The following ARHGAP35 variants were observed in gnomAD, a reference collection of about 807,000 sequenced individuals.
ARHGAP35 encodes the protein Rho GTPase activating protein 35.
Under a neutral mutation model 111.1 loss-of-function variants are expected in ARHGAP35, and 15 were observed. The observed-to-expected ratio is 0.13, with a 90% confidence interval of 0.09 to 0.21. ARHGAP35 has a LOEUF of 0.21. Ranked by LOEUF, ARHGAP35 falls within the 10% of genes least tolerant of loss-of-function variation. ARHGAP35 has a pLI of 1.00. For missense variants in ARHGAP35, 1,262 were observed against 1,873.0 expected (o/e 0.67, Z 6.02); for synonymous variants, 643 against 710.3 (o/e 0.91, Z 1.51).
rs145257570 is a variant in ARHGAP35 at position 46,915,222 on chromosome 19, C to T, written c.-188-3266C>T. On this transcript the variant is annotated intron_variant, in intron 1 of 6. Transcript: ENST00000672722. Reference sequence around the variant, plus strand: ...CATCTTATAATTTTGTTTATGTAAGCAATCGCCTAGAAAAGTAGAGGATGC... The same window carrying T: ...CATCTTATAATTTTGTTTATGTAAGTAATCGCCTAGAAAAGTAGAGGATGC... Among the ~76,000 whole-genome samples the T allele has an allele frequency of 3.7e-3, 566 of 152,280 alleles. 1 individual carries two copies. The highest frequency in any genetic ancestry group is 6.7e-3 in the Non-Finnish European group (453 of 68,026).
intron 1 of ARHGAP35, among the ~76,000 whole-genome samples, chr19:46,862,561 A>G (rs1310463890): frequency 6.6e-6 from 1 of 151,642 alleles, no homozygotes; most frequent in Non-Finnish European, 1.5e-5. Flanking sequence ...CCCTAGATCC[A>G]TTTTGTACCT....
intron 1 of ARHGAP35, among the ~76,000 whole-genome samples, chr19:46,887,291 A>G (rs1000700279): frequency 6.6e-6 from 1 of 152,224 alleles, no homozygotes; most frequent in African/African-American, 2.4e-5. Context: ...AAAGCCTTTG[A>G]ATTAACTGGA....
At chr19:46,974,715 C>T (rs766321034) in intron 3 of ARHGAP35, among the ~76,000 whole-genome samples, 35 of 152,140 alleles carry the variant, frequency 2.3e-4, no homozygotes, top group Middle Eastern at 3.2e-3. Context: ...GCTCAATCTC[C>T]AGCCCCTCTC....
intron 3 of ARHGAP35, among the ~76,000 whole-genome samples, chr19:46,982,949 G>T (rs749523809): frequency 1.3e-5 from 2 of 150,326 alleles, no homozygotes; most frequent in Non-Finnish European, 3.0e-5. Flanking sequence ...AGCTACTCAG[G>T]AGGCTGAGGT....
chr19:46,937,469 G>GA, intron 3 of ARHGAP35, 61 bp downstream of exon 3: 1 of 1,567,632 alleles, frequency 6.4e-7, no homozygotes, highest in Admixed American at 1.7e-5. Flanking sequence ...CTTACTGGAG[G>GA]GTCAAGCCAT....
At chr19:46,913,992 T>A (rs1279439058) in intron 1 of ARHGAP35, among the ~76,000 whole-genome samples, 9 of 152,072 alleles carry the variant, frequency 5.9e-5, no homozygotes, top group Non-Finnish European at 1.3e-4. Flanking sequence ...ACTCAGCTAA[T>A]TTTTTTTACC....
intron 2 of ARHGAP35, among the ~76,000 whole-genome samples, chr19:46,923,477 A>T (rs2056218528): frequency 6.6e-6 from 1 of 152,098 alleles, no homozygotes. Context: ...GAGAGCTGTA[A>T]GCAGTACTCT....
At chr19:46,990,025 G>A (rs2056671788) in intron 5 of ARHGAP35, among the ~76,000 whole-genome samples, 1 of 152,218 alleles carries the variant, frequency 6.6e-6, no homozygotes, top group Non-Finnish European at 1.5e-5. Context: ...TCCTGCGGAT[G>A]AAATTCTATT....
chr19:46,870,117 T>C (rs1599790364), intron 1 of ARHGAP35, among the ~76,000 whole-genome samples: 1 of 151,754 alleles, frequency 6.6e-6, no homozygotes, highest in East Asian at 2.0e-4. Context: ...TGGCTAATAT[T>C]TTGTATTTTA....
intron 3 of ARHGAP35, among the ~76,000 whole-genome samples, chr19:46,942,842 A>G (rs560881700): frequency 6.6e-6 from 1 of 151,864 alleles, no homozygotes; most frequent in East Asian, 1.9e-4. Flanking sequence ...AAAAAAGGAA[A>G]AGAAAAAATT....
chr19:46,993,588 C>T lies in ARHGAP35; in HGVS notation c.4036+3913C>T, dbSNP rs1302065399. ...AGGTCCCTGTGCCCTCTGTCTGTCC[C>T]CTCCCCTCCCTCCTGAGTTCTTGGG... On this transcript the variant is annotated intron_variant, in intron 5 of 6. Transcript: ENST00000672722. This position sits in a 1 kb window ranked among gnomAD's most constrained non-coding sequence, Gnocchi z 4.6. 1.3e-5 allele frequency among the ~76,000 whole-genome samples: 2 copies of T among 152,156 alleles called. No homozygotes were observed. Among genetic ancestry groups the T allele is most frequent in the Non-Finnish European group, 1.5e-5 (1 of 68,012 alleles).
At chr19:46,941,414 G>T (rs2056346383) in intron 3 of ARHGAP35, among the ~76,000 whole-genome samples, 1 of 151,822 alleles carries the variant, frequency 6.6e-6, no homozygotes. Flanking sequence ...ATTGATTATT[G>T]TAAATTAGCC....
intron 5 of ARHGAP35, among the ~76,000 whole-genome samples, chr19:46,998,526 C>T (rs2056728273): frequency 6.6e-6 from 1 of 152,184 alleles, no homozygotes; most frequent in African/African-American, 2.4e-5. Flanking sequence ...AGCCCAGTGG[C>T]CACAGCTCAG....
chr19:46,913,595 T>G (rs1036629879), intron 1 of ARHGAP35, among the ~76,000 whole-genome samples: 3 of 152,188 alleles, frequency 2.0e-5, no homozygotes, highest in Non-Finnish European at 4.4e-5. Flanking sequence ...CATTATGTTT[T>G]ATTACAGCAT....
intron 1 of ARHGAP35, among the ~76,000 whole-genome samples, chr19:46,875,008 C>T (rs1198236558): frequency 2.0e-5 from 3 of 151,692 alleles, no homozygotes; most frequent in Non-Finnish European, 4.4e-5. Context: ...GACGGGGTTT[C>T]ACCATGTTGG....
chr19:46,884,493 C>CTTTTT (rs923415995), intron 1 of ARHGAP35, among the ~76,000 whole-genome samples: 1 of 111,978 alleles, frequency 8.9e-6, no homozygotes, highest in African/African-American at 3.4e-5. Flanking sequence ...TGATGATATC[C>CTTTTT]TTTTTTTTTT....
rs187202735 is a variant in ARHGAP35, at chr19:46,922,961, G to A, written c.3681+605G>A. On this transcript the variant is annotated intron_variant, in intron 2 of 6. Coordinates refer to ENST00000672722, the MANE Select transcript of ARHGAP35 (RefSeq NM_004491.5). This position sits in a 1 kb window ranked among gnomAD's most constrained non-coding sequence, Gnocchi z 4.0. Reference sequence around the variant, plus strand: ...AGTCTATTATTTTATCTTCAAGGGAGTTGCTGCTGCTATCAGTCAGAAACT... The same window carrying A: ...AGTCTATTATTTTATCTTCAAGGGAATTGCTGCTGCTATCAGTCAGAAACT... 6.6e-6 allele frequency among the ~76,000 whole-genome samples: 1 copy of A among 152,308 alleles called. No individual in the cohort carries two copies. Among genetic ancestry groups the A allele is most frequent in the African/African-American group, 2.4e-5 (1 of 41,572 alleles).
In ARHGAP35 at chr19:46,919,324, G is replaced by C. The variant is rs2056182744; in HGVS notation, c.649G>C (p.Ala217Pro). Residue 217 changes from alanine to proline, a missense_variant, in exon 2 of 7, where the codon GCC becomes CCC. By Grantham distance (27) the Ala-to-Pro change is conservative. This residue lies in a region of ARHGAP35 where 125 missense variants were observed against 301.7 expected (regional missense o/e 0.41). Coordinates refer to ENST00000672722, the MANE Select transcript of ARHGAP35 (RefSeq NM_004491.5). This position sits in a 1 kb window ranked among gnomAD's most constrained non-coding sequence, Gnocchi z 6.2. ...GTACATTAGAGATGCACATACTTTT[G>C]CCTTAAGCAAAAAGAACCTCCAGGT... is the stretch of plus-strand genomic sequence containing the variant. The part of the protein sequence containing the change: ...ERYIRDAHTF[A>P]LSKKNLQVVE... 6.2e-7 allele frequency: 1 copy of C among 1,613,854 alleles called. No homozygotes were observed. Among genetic ancestry groups the C allele is most frequent in the African/African-American group, 1.3e-5 (1 of 74,922 alleles).
At chr19:46,981,790 CG>C (rs2056621671) in intron 3 of ARHGAP35, among the ~76,000 whole-genome samples, 1 of 152,042 alleles carries the variant, frequency 6.6e-6, no homozygotes, top group Non-Finnish European at 1.5e-5. Context: ...ACCGGAGGGC[CG>C]TCTAGTCTTC....
Sources: gnomAD v4.1 joint callset for allele counts (sites outside exome capture counted in the v4.1 genomes callset) on GRCh38, gnomAD v4.1.1 for gene constraint, gnomAD v4.1.1 regional missense constraint, Gnocchi (gnomAD v3.1) non-coding constraint, MANE v1.5 for transcripts, NCBI Gene and HGNC (gene_info 2026-07-23, HGNC 2026-07-21) for gene names.